CYREN: variants seen among roughly 807,000 people sequenced by gnomAD.
The protein encoded by CYREN is cell cycle regulator of non-homologous end joining.
CYREN carries 7 observed loss-of-function variants against 9.7 expected under a neutral mutation model. The observed-to-expected ratio is 0.72, with a 90% confidence interval of 0.41 to 1.36. The LOEUF is 1.36. CYREN is among the 40% of genes most tolerant of loss of function. The pLI is 0.01. For missense variants in CYREN, 215 were observed against 198.1 expected, an observed-to-expected ratio of 1.09 and a Z score of -0.51; for synonymous variants, 76 against 77.9, an observed-to-expected ratio of 0.98 and a Z score of 0.13.
downstream of CYREN, among the ~76,000 whole-genome samples, chr7:135,160,799 C>G (rs761621458): frequency 2.0e-5 from 3 of 151,736 alleles, no homozygotes; most frequent in African/African-American, 7.3e-5. Context: ...GAAGACTGTT[C>G]CTCAGAGACA....
chr7:135,141,994 T>C (rs1829461590), intron 2 of CYREN, among the ~76,000 whole-genome samples: 2 of 152,262 alleles, frequency 1.3e-5, no homozygotes, highest in South Asian at 4.1e-4. Context: ...GTATGTGCCA[T>C]ATGCAAATGA....
At chr7:135,106,323 T>G (rs1429516314) in intron 2 of CYREN, among the ~76,000 whole-genome samples, 1 of 152,230 alleles carries the variant, frequency 6.6e-6, no homozygotes, top group Non-Finnish European at 1.5e-5. Flanking sequence ...AGGGGAATGC[T>G]TCCAGCTTTT....
At chr7:135,128,054 G>A (rs552995074) in intron 2 of CYREN, among the ~76,000 whole-genome samples, 1 of 152,102 alleles carries the variant, frequency 6.6e-6, no homozygotes, top group African/African-American at 2.4e-5. Flanking sequence ...AGCTCTTTGG[G>A]AGGCCAAGGT....
chr7:135,118,147 C>G (rs913539206), intron 2 of CYREN, among the ~76,000 whole-genome samples: 1 of 152,134 alleles, frequency 6.6e-6, no homozygotes, highest in Admixed American at 6.6e-5. Flanking sequence ...AATTCTTCCC[C>G]TACCCTACCT....
chr7:135,123,181 C>A (rs1827382948), intron 2 of CYREN, among the ~76,000 whole-genome samples: 1 of 152,038 alleles, frequency 6.6e-6, no homozygotes, highest in South Asian at 2.1e-4. Flanking sequence ...ACTAGAATAA[C>A]CAGTTTAGAG....
At chr7:135,122,203 T>C (rs1188895552) in intron 2 of CYREN, among the ~76,000 whole-genome samples, 2 of 152,098 alleles carry the variant, frequency 1.3e-5, no homozygotes, top group African/African-American at 4.8e-5. Context: ...TCTGCTGGAG[T>C]CAGGGAGGCT....
chr7:135,115,470 G>A, intron 2 of CYREN: 1 of 1,551,272 alleles, frequency 6.4e-7, no homozygotes, highest in Non-Finnish European at 8.7e-7. Flanking sequence ...GATGAAAAAA[G>A]AAGCTACAAG....
intron 2 of CYREN, among the ~76,000 whole-genome samples, chr7:135,095,184 T>C (rs1481439860): frequency 1.3e-5 from 2 of 152,128 alleles, no homozygotes; most frequent in Non-Finnish European, 2.9e-5. Flanking sequence ...CACTGGAGGG[T>C]TGGAGGAAGA....
intron 2 of CYREN, chr7:135,168,080 T>C: frequency 2.0e-6 from 1 of 503,730 alleles, no homozygotes; most frequent in Non-Finnish European, 3.6e-6. Flanking sequence ...GATGGCCGCC[T>C]CTGAAACACA....
intron 2 of CYREN, among the ~76,000 whole-genome samples, chr7:135,131,040 C>A (rs1828687876): frequency 6.6e-6 from 1 of 151,636 alleles, no homozygotes; most frequent in South Asian, 2.1e-4. Context: ...GTGTGTGTGT[C>A]CAGAGTGAGC....
chr7:135,155,777 C>T (rs542219550), intron 2 of CYREN, among the ~76,000 whole-genome samples: 33 of 152,296 alleles, frequency 2.2e-4, no homozygotes, highest in Admixed American at 6.5e-4. Context: ...CTTGAGCCCA[C>T]GAGGTCAAGG....
At chr7:135,115,653 T>G (rs1433689004) in intron 2 of CYREN, 2 of 1,403,406 alleles carry the variant, frequency 1.4e-6, no homozygotes, top group East Asian at 5.1e-5. Flanking sequence ...ATTTAACACA[T>G]CTTTTTTAAA....
At chr7:135,094,190 C>T (rs1437554004) in exon 3 of CYREN, 6 of 351,650 alleles carry the variant, frequency 1.7e-5, no homozygotes, top group South Asian at 6.6e-5. Flanking sequence ...GGGGCCTTCT[C>T]GTTTTAGCTG....
chr7:135,165,031 A>G (rs533977284), downstream of CYREN: 25 of 1,535,290 alleles, frequency 1.6e-5, no homozygotes, highest in South Asian at 2.2e-4. Flanking sequence ...TTCAGTTCCA[A>G]CCATGGTCAG....
intron 2 of CYREN, among the ~76,000 whole-genome samples, chr7:135,120,229 A>G (rs745738657): frequency 5.3e-5 from 8 of 152,180 alleles, no homozygotes; most frequent in Non-Finnish European, 1.2e-4. Flanking sequence ...GTAAATATAA[A>G]TTTTTCTAAA....
chr7:135,107,494 G>A (rs1360037439), intron 2 of CYREN, among the ~76,000 whole-genome samples: 1 of 152,172 alleles, frequency 6.6e-6, no homozygotes, highest in Non-Finnish European at 1.5e-5. Flanking sequence ...TCAGGAGCAT[G>A]TTGTTTAGTT....
At chr7:135,134,841 A>C in intron 2 of CYREN, 1 of 1,549,058 alleles carries the variant, frequency 6.5e-7, no homozygotes, top group Non-Finnish European at 8.7e-7. Flanking sequence ...TCTTTTCTAG[A>C]CTAAATCCGG....
rs1235422721 is a variant in CYREN, at chr7:135,167,825, A to C, written c.138-18T>G. 6.2e-7 allele frequency: 1 copy of C among 1,614,028 alleles called. No individual in the cohort carries two copies. Among genetic ancestry groups the C allele is most frequent in the Non-Finnish European group, 8.5e-7 (1 of 1,180,022 alleles). ...CAGGGAGTCTGAAAAAAAGACATGC[A>C]AGGCACAGATGACACAGACTCTCAA... On this transcript the variant is annotated intron_variant, in intron 2 of 3. Coordinates refer to ENST00000393114, the MANE Select transcript of CYREN (RefSeq NM_024033.4).
At chr7:135,122,718 T>C (rs148405197) in intron 2 of CYREN, among the ~76,000 whole-genome samples, 211 of 152,064 alleles carry the variant, frequency 1.4e-3, no homozygotes, top group Admixed American at 2.4e-3. Flanking sequence ...CCTCCTTGAG[T>C]GACATCTCCA....
Sources: gnomAD v4.1 joint callset for allele counts (sites outside exome capture counted in the v4.1 genomes callset) on GRCh38, gnomAD v4.1.1 for gene constraint, MANE v1.5 for transcripts, NCBI Gene and HGNC (gene_info 2026-07-23, HGNC 2026-07-21) for gene names.